NBR1: variants seen among roughly 807,000 people sequenced by gnomAD.
The protein encoded by NBR1 is next to BRCA1 gene 1 protein.
NBR1 carries 59 observed loss-of-function variants against 115.5 expected under a neutral mutation model. The ratio of observed to expected loss-of-function variants is 0.51; its 90% CI spans 0.41 to 0.63. NBR1 has a LOEUF of 0.63. NBR1 is among the 30% of genes least tolerant of loss of function. The probability of loss-of-function intolerance (pLI) is 0.00; values close to 1 mark genes in which losing one functional copy is unlikely to be tolerated. For missense variants in NBR1, 1,043 were observed against 1,150.5 expected (o/e 0.91, Z 1.35); for synonymous variants, 373 against 414.7 (o/e 0.90, Z 1.22).
At chr17:43,198,659 A>G (rs2057122029) in intron 16 of NBR1, among the ~76,000 whole-genome samples, 1 of 147,976 alleles carries the variant, frequency 6.8e-6, no homozygotes, top group Non-Finnish European at 1.5e-5. Context: ...CTAAAAAAAA[A>G]AAATAATAAA....
At chr17:43,177,886 G>T (rs2056561333) in intron 2 of NBR1, 50 bp from the exon 3 acceptor site, 1 of 1,327,846 alleles carries the variant, frequency 7.5e-7, no homozygotes, top group South Asian at 1.7e-5. Flanking sequence ...TTTTTACTTT[G>T]ACTTCTGTGT....
chr17:43,190,005 T>C (rs1470729463), intron 8 of NBR1: 3 of 588,184 alleles, frequency 5.1e-6, no homozygotes, highest in Non-Finnish European at 9.0e-6. Context: ...CAAATGTGCA[T>C]TTGGATTAGC....
intron 16 of NBR1, among the ~76,000 whole-genome samples, chr17:43,197,968 A>G (rs900673538): frequency 2.0e-5 from 3 of 152,114 alleles, no homozygotes; most frequent in African/African-American, 4.8e-5. Flanking sequence ...CCTGACCGAC[A>G]TGGAGAAACC....
At chr17:43,209,803 A>C (rs2057383144) in intron 20 of NBR1, 98 bp from the exon 21 acceptor site, 8 of 1,461,866 alleles carry the variant, frequency 5.5e-6, no homozygotes, top group Non-Finnish European at 7.2e-6. Context: ...AAATCTGGAA[A>C]GACTAGTATG....
chr17:43,183,218 A>G (rs1017556268), intron 5 of NBR1, among the ~76,000 whole-genome samples: 1 of 150,816 alleles, frequency 6.6e-6, no homozygotes, highest in African/African-American at 2.5e-5. Flanking sequence ...CGTGTGTGTC[A>G]TTCCTTTTGT....
intron 1 of NBR1, among the ~76,000 whole-genome samples, chr17:43,173,578 C>T (rs2056431224): frequency 1.3e-5 from 2 of 152,186 alleles, no homozygotes; most frequent in Non-Finnish European, 2.9e-5. Context: ...AGCCACTGTG[C>T]TTGGCCTTTA....
At chr17:43,201,844 A>G in intron 18 of NBR1, 64 bp downstream of exon 18, 1 of 926,234 alleles carries the variant, frequency 1.1e-6, no homozygotes, top group Non-Finnish European at 1.7e-6. Context: ...CCAGGTATAA[A>G]TAGCCTCTCT....
rs901448924 is a variant in NBR1, at chr17:43,193,492, C to T, written c.1378C>T (p.Arg460Cys). The T allele has an allele frequency of 6.2e-6, 10 of 1,613,668 alleles. No individual in the cohort carries two copies. The highest frequency in any genetic ancestry group is 7.6e-6 in the Non-Finnish European group (9 of 1,179,846). Residue 460 changes from arginine (R) to cysteine (C), a missense_variant, in exon 12 of 21, where the codon CGT becomes TGT. Coordinates refer to ENST00000590996, the MANE Select transcript of NBR1 (RefSeq NM_005899.5). ...ALEGTYTSHW[R>C]LSHKGQQFGP... Reference sequence around the variant, plus strand: ...GGAGGGAACGTATACTTCCCATTGGCGTCTTTCTCACAAAGGCCAGCAATT... The same window carrying T: ...GGAGGGAACGTATACTTCCCATTGGTGTCTTTCTCACAAAGGCCAGCAATT...
chr17:43,191,382 C>G lies in NBR1; in HGVS notation c.874C>G (p.Gln292Glu), dbSNP rs1402441187. Residue 292 changes from glutamine to glutamate, a missense_variant, in exon 10 of 21, where the codon CAG becomes GAG. Coordinates refer to ENST00000590996, the MANE Select transcript of NBR1 (RefSeq NM_005899.5). ...AALEQVRLQK[Q>E]VDKNFLKAEK... ...TTTATTATCTCACAGGCTCCAGAAA[C>G]AGGTTGATAAGAACTTTCTTAAAGC... 10 of 1,611,352 alleles carry G rather than the reference C, an allele frequency of 6.2e-6. No individual in the cohort carries two copies. Among genetic ancestry groups the G allele is most frequent in the Non-Finnish European group, 8.5e-6 (10 of 1,178,196 alleles).
rs1347713874 is a variant in NBR1, at chr17:43,189,649, T to C, written c.542T>C (p.Leu181Pro). Reference sequence around the variant, plus strand: ...CTTGAACAGAAATTACATGAAAAGCTTGTCCTCCAGAACCCATCCTTGGGT... The same window carrying C: ...CTTGAACAGAAATTACATGAAAAGCCTGTCCTCCAGAACCCATCCTTGGGT... Reference protein sequence around the residue: ...EKLEQKLHEKLVLQNPSLGSC... With the variant: ...EKLEQKLHEKPVLQNPSLGSC... The change falls in exon 8 of 21, where the codon CTT (leucine) becomes CCT (proline). Residue 181 changes from leucine to proline, a missense_variant. Physicochemically the swap from Leu to Pro is moderately conservative, Grantham distance 98 (BLOSUM62 -3). Transcript: ENST00000590996. 1 of 1,614,040 alleles carries C rather than the reference T, an allele frequency of 6.2e-7. No individual in the cohort carries two copies. The highest frequency in any genetic ancestry group is 2.2e-5 in the East Asian group (1 of 44,894).
intron 18 of NBR1, 92 bp from the exon 19 acceptor site, chr17:43,202,563 T>C: frequency 1.2e-6 from 1 of 822,172 alleles, no homozygotes; most frequent in Non-Finnish European, 1.9e-6. Context: ...GTGATCAGAT[T>C]GCCACCTGCC....
intron 5 of NBR1, among the ~76,000 whole-genome samples, chr17:43,181,164 G>A (rs200849408): frequency 7.9e-5 from 12 of 152,160 alleles, no homozygotes; most frequent in South Asian, 2.1e-4. Context: ...GAGCCACTGC[G>A]TCTGGCCTAA....
intron 1 of NBR1, among the ~76,000 whole-genome samples, chr17:43,173,633 G>A (rs571222621): frequency 5.3e-5 from 8 of 152,132 alleles, no homozygotes; most frequent in East Asian, 3.9e-4. Context: ...AAGAACTTGC[G>A]TACACATTTT....
intron 1 of NBR1, among the ~76,000 whole-genome samples, chr17:43,174,571 C>G (rs188337926): frequency 6.6e-6 from 1 of 151,958 alleles, no homozygotes; most frequent in Non-Finnish European, 1.5e-5. Context: ...GCACTTGAGC[C>G]TGGACGACAG....
intron 14 of NBR1, 132 bp downstream of exon 14, chr17:43,195,171 A>G (rs1258282373): frequency 6.9e-6 from 5 of 719,430 alleles, no homozygotes; most frequent in South Asian, 1.7e-5. Flanking sequence ...TAAAGCAGCA[A>G]TCATGGATCC....
intron 16 of NBR1, 69 bp from the exon 17 acceptor site, chr17:43,200,098 A>G: frequency 8.0e-7 from 1 of 1,256,820 alleles, no homozygotes. Flanking sequence ...ACAAGGCTTT[A>G]CCAAGTAAGG....
chr17:43,199,924 C>G (rs2057157360), intron 16 of NBR1, among the ~76,000 whole-genome samples: 1 of 152,150 alleles, frequency 6.6e-6, no homozygotes. Context: ...ATTCATAGAG[C>G]TTCTTGGAAA....
intron 10 of NBR1, 125 bp downstream of exon 10, chr17:43,191,706 T>C (rs1597990859): frequency 7.6e-6 from 5 of 658,420 alleles, no homozygotes; most frequent in Non-Finnish European, 1.3e-5. Flanking sequence ...CTTTCCATTA[T>C]CTGGTCTTAG....
chr17:43,180,750 G>T, intron 4 of NBR1, 45 bp from the exon 5 acceptor site: 2 of 1,414,604 alleles, frequency 1.4e-6, no homozygotes, highest in Non-Finnish European at 1.9e-6. Flanking sequence ...GAATCTTTTG[G>T]GGTGTGTGAA....
Sources: gnomAD v4.1 joint callset for allele counts (sites outside exome capture counted in the v4.1 genomes callset) on GRCh38, gnomAD v4.1.1 for gene constraint, MANE v1.5 for transcripts, NCBI Gene and HGNC (gene_info 2026-07-23, HGNC 2026-07-21) for gene names.